LRRC4C: variants seen among roughly 807,000 people sequenced by gnomAD.
The protein encoded by LRRC4C is leucine-rich repeat-containing protein 4C.
LRRC4C carries 5 observed loss-of-function variants against 33.6 expected under a neutral mutation model. That is an observed-to-expected ratio of 0.15 (90% confidence interval 0.08 to 0.31). The LOEUF is 0.31. Ranked by LOEUF, LRRC4C falls within the 10% of genes least tolerant of loss-of-function variation. The probability of loss-of-function intolerance (pLI) is 1.00; values close to 1 mark genes in which losing one functional copy is unlikely to be tolerated. For missense variants in LRRC4C, 560 were observed against 796.7 expected (o/e 0.70, Z 3.58); for synonymous variants, 329 against 302.0 (o/e 1.09, Z -0.93).
At chr11:40,656,092 T>A (rs907859139) in intron 2 of LRRC4C, among the ~76,000 whole-genome samples, 1 of 152,172 alleles carries the variant, frequency 6.6e-6, no homozygotes, top group Non-Finnish European at 1.5e-5. Context: ...GAGATTTTGG[T>A]AGGGACACAG....
At chr11:40,692,134 G>A (rs535000271) in intron 2 of LRRC4C, among the ~76,000 whole-genome samples, 2 of 152,138 alleles carry the variant, frequency 1.3e-5, no homozygotes, top group South Asian at 4.1e-4. Flanking sequence ...GATACAGATT[G>A]AGCATTATTG....
chr11:41,385,369 C>A (rs1953319454), intron 1 of LRRC4C, among the ~76,000 whole-genome samples: 1 of 151,438 alleles, frequency 6.6e-6, no homozygotes, highest in Admixed American at 6.6e-5. Flanking sequence ...GGCCACAAAA[C>A]AACAAATCGC....
intron 1 of LRRC4C, among the ~76,000 whole-genome samples, chr11:41,090,975 T>C (rs541844404): frequency 3.7e-4 from 56 of 152,238 alleles, no homozygotes; most frequent in Non-Finnish European, 5.7e-4. Flanking sequence ...GAAAACAGAC[T>C]AATCTGCATA....
At chr11:40,380,267 T>C (rs781781224) in intron 3 of LRRC4C, among the ~76,000 whole-genome samples, 1 of 152,308 alleles carries the variant, frequency 6.6e-6, no homozygotes, top group Non-Finnish European at 1.5e-5. Flanking sequence ...ATCTAGACTG[T>C]AATCAGGCAA....
chr11:40,156,443 A>G (rs1168923731), intron 5 of LRRC4C, among the ~76,000 whole-genome samples: 1 of 152,172 alleles, frequency 6.6e-6, no homozygotes, highest in Admixed American at 6.5e-5. Flanking sequence ...ATTTACCTTG[A>G]AAACACTAAG....
chr11:41,150,546 C>G (rs935472997), intron 1 of LRRC4C, among the ~76,000 whole-genome samples: 1 of 152,110 alleles, frequency 6.6e-6, no homozygotes, highest in African/African-American at 2.4e-5. Flanking sequence ...AATCCCAGCA[C>G]TTTGGGAGGC....
chr11:41,318,146 T>C (rs1290511898), intron 1 of LRRC4C, among the ~76,000 whole-genome samples: 2 of 152,172 alleles, frequency 1.3e-5, no homozygotes, highest in East Asian at 3.8e-4. Flanking sequence ...CATAATCCCA[T>C]TTTGAATATT....
chr11:40,619,111 C>T (rs1027249166), intron 3 of LRRC4C, among the ~76,000 whole-genome samples: 11 of 151,448 alleles, frequency 7.3e-5, no homozygotes, highest in African/African-American at 1.2e-4. Context: ...AACTCATGAA[C>T]GTAGAGGGTA....
intron 3 of LRRC4C, chr11:40,446,756 G>A (rs1394437495): frequency 2.0e-5 from 3 of 152,112 alleles, no homozygotes; most frequent in African/African-American, 7.2e-5. Context: ...GAGAGAGAAT[G>A]ACCAAAGGAA....
chr11:40,489,399 CCCTCTTT>C (rs1437409878), intron 3 of LRRC4C, among the ~76,000 whole-genome samples: 1 of 152,036 alleles, frequency 6.6e-6, no homozygotes, highest in African/African-American at 2.4e-5. Flanking sequence ...ACTTTCATAA[CCCTCTTT>C]CCTCACCTAC....
intron 2 of LRRC4C, among the ~76,000 whole-genome samples, chr11:40,890,646 A>G (rs554929887): frequency 6.6e-6 from 1 of 152,274 alleles, no homozygotes; most frequent in East Asian, 1.9e-4. Context: ...CCATTGTTCT[A>G]TGGGAGTAGA....
At chr11:40,249,293 C>T (rs1167303480) in intron 4 of LRRC4C, among the ~76,000 whole-genome samples, 1 of 151,934 alleles carries the variant, frequency 6.6e-6, no homozygotes, top group Admixed American at 6.6e-5. Context: ...GAGCCGAGAT[C>T]GCACTACTGC....
chr11:41,263,494 G>A (rs571538179), intron 1 of LRRC4C, among the ~76,000 whole-genome samples: 49 of 152,148 alleles, frequency 3.2e-4, no homozygotes, highest in Admixed American at 7.9e-4. Context: ...CAAAACACCC[G>A]CAGTCTTGGT....
chr11:40,955,709 G>C (rs1337277720), intron 1 of LRRC4C, among the ~76,000 whole-genome samples: 1 of 151,690 alleles, frequency 6.6e-6, no homozygotes, highest in Admixed American at 6.6e-5. Context: ...AAAAGAAAAG[G>C]AAACTGACAA....
chr11:40,295,320 C>CTATA (rs3041080), intron 4 of LRRC4C, among the ~76,000 whole-genome samples: 1 of 149,874 alleles, frequency 6.7e-6, no homozygotes, highest in African/African-American at 2.4e-5. Context: ...TTAAACAGTA[C>CTATA]TATATATATA....
At chr11:40,544,196 G>T (rs577304025) in intron 3 of LRRC4C, among the ~76,000 whole-genome samples, 9 of 152,036 alleles carry the variant, frequency 5.9e-5, no homozygotes, top group African/African-American at 2.2e-4. Flanking sequence ...TGAACCAAAG[G>T]GCACCCACAC....
chr11:40,705,380 G>A (rs1306831857), intron 2 of LRRC4C, among the ~76,000 whole-genome samples: 2 of 151,634 alleles, frequency 1.3e-5, no homozygotes, highest in Non-Finnish European at 2.9e-5. Flanking sequence ...CGACAGGGCC[G>A]GGTGTGTGAT....
intron 2 of LRRC4C, among the ~76,000 whole-genome samples, chr11:40,715,054 A>G (rs376372120): frequency 6.6e-6 from 1 of 152,334 alleles, no homozygotes; most frequent in African/African-American, 2.4e-5. Context: ...CATGCAGAGC[A>G]CAAACGTAAA....
chr11:40,569,963 G>A lies in LRRC4C; in HGVS notation c.-270+78179C>T, dbSNP rs1296499349. Among the ~76,000 whole-genome samples the A allele has an allele frequency of 2.6e-5, 4 of 151,824 alleles. No individual in the cohort carries two copies. The East Asian group carries it at 7.7e-4, about 29-fold the overall frequency. On this transcript the variant is annotated intron_variant, in intron 3 of 6. Coordinates refer to ENST00000528697, the MANE Select transcript of LRRC4C (RefSeq NM_001258419.2). ...TAAAAATAAATCAGTTTGCTCCATGGAGTTTGTACAATATGGTAACATTGT... is the reference window on the plus strand; with the variant it reads ...TAAAAATAAATCAGTTTGCTCCATGAAGTTTGTACAATATGGTAACATTGT...
Sources: allele counts gnomAD v4.1 joint callset (sites outside exome capture counted in the v4.1 genomes callset), GRCh38; gene constraint gnomAD v4.1.1; transcripts MANE v1.5; gene names NCBI Gene and HGNC (gene_info 2026-07-23, HGNC 2026-07-21).